Variants in TSBP1 observed in about 807,000 individuals in gnomAD.
TSBP1 encodes testis expressed basic protein 1.
TSBP1 carries 56 observed loss-of-function variants against 68.8 expected under a neutral mutation model. The ratio of observed to expected loss-of-function variants is 0.81; its 90% CI spans 0.66 to 1.02. The LOEUF (loss-of-function observed/expected upper bound fraction) is 1.02. TSBP1 is among the 50% of genes least tolerant of loss of function. The pLI, the probability that TSBP1 is intolerant of heterozygous loss-of-function variation, is 0.00. For missense variants in TSBP1, 502 were observed against 641.2 expected (o/e 0.78, Z 2.34); for synonymous variants, 171 against 208.7 (o/e 0.82, Z 1.56).
At position 32,371,823 on chromosome 6, in the gene TSBP1, C is replaced by G. The variant is rs780980044; in HGVS notation, c.-117G>C. 126 of 1,173,452 alleles carry G rather than the reference C, an allele frequency of 1.1e-4. 1 individual carries two copies. Among genetic ancestry groups the G allele is most frequent in the Admixed American group, 3.2e-4 (19 of 58,758 alleles). 72.7% of individuals were successfully genotyped at this position (1,173,452 alleles called of 1,614,324 possible). A position where few individuals can be genotyped will look rare whatever the true frequency, so the allele number is the denominator to read the frequency against. On this transcript the variant is annotated 5_prime_UTR_variant, in exon 1 of 23. Coordinates refer to ENST00000612031, the Ensembl canonical transcript of TSBP1. ...TTCTGAGCAATATGAACTTGGGTGT[C>G]AGGGAGGCCCTTGTAGGCAGAGATG...
chr6:32,343,190 C>T lies in TSBP1; in HGVS notation c.350-3552G>A, dbSNP rs9268260. The T allele has an allele frequency of 0.36, 435,644 of 1,207,564 alleles. 82,753 individuals are homozygous for T. Among genetic ancestry groups the T allele is most frequent in the Middle Eastern group, 0.56 (2,724 of 4,886 alleles). 74.8% of individuals were successfully genotyped at this position (1,207,564 alleles called of 1,614,324 possible). On this transcript the variant is annotated intron_variant, in intron 9 of 22. Coordinates refer to ENST00000612031, the Ensembl canonical transcript of TSBP1. This position sits in a 1 kb window ranked among gnomAD's most constrained non-coding sequence, Gnocchi z 4.3. ...AGACAGGGAGAAGTCCTCTGCCTAG[C>T]ATAGGAGCCCAACAACACCAGAGTT...
At chr6:32,348,873 T>C (rs1771366760) in intron 9 of TSBP1, among the ~76,000 whole-genome samples, 1 of 152,174 alleles carries the variant, frequency 6.6e-6, no homozygotes, top group Non-Finnish European at 1.5e-5. Flanking sequence ...TCCCTCCTAT[T>C]CCTAAGTTAA....
At chr6:32,355,016 T>C in intron 8 of TSBP1, 108 bp downstream of exon 8, 1 of 851,280 alleles carries the variant, frequency 1.2e-6, no homozygotes, top group Non-Finnish European at 1.8e-6. Context: ...GTGTTAATTA[T>C]TTTTATACTT....
rs149013447 is a variant in TSBP1 at position 32,361,015 on chromosome 6, G to A, written c.217+5152C>T. Among the ~76,000 whole-genome samples the A allele has an allele frequency of 0.042, 6,340 of 151,946 alleles. 226 individuals carry two copies. The highest frequency in any genetic ancestry group is 0.11 in the South Asian group (534 of 4,810). ...ATTTACATTAGGTATTTCTCCTAAT[G>A]CTATCCCTCCCTGCTTCCCCCACCC... On this transcript the variant is annotated intron_variant, in intron 6 of 22. Coordinates refer to ENST00000612031, the Ensembl canonical transcript of TSBP1. This position sits in a 1 kb window ranked among gnomAD's most constrained non-coding sequence, Gnocchi z 4.3.
In TSBP1 at chr6:32,325,747, T is replaced by C. The variant is rs1583050088; in HGVS notation, c.515-2133A>G. On this transcript the variant is annotated intron_variant, in intron 16 of 22. Coordinates refer to ENST00000612031, the Ensembl canonical transcript of TSBP1. The surrounding 1 kb of genome is among the most constrained non-coding windows in gnomAD (Gnocchi z 4.4). ...GTGTGAATGGCCACAACTGTGAAGT[T>C]AGGAAAGTCTGTCAAAGCAAGAGAT... 3 of 1,109,296 alleles carry C rather than the reference T, an allele frequency of 2.7e-6. No homozygotes were observed. The Admixed American group carries it at 5.1e-5, about 19-fold the overall frequency. The allele number at this position is 1,109,296 out of a possible 1,614,324, so 68.7% of individuals were successfully genotyped here. A position where few individuals can be genotyped will look rare whatever the true frequency, so the allele number is the denominator to read the frequency against.
At chr6:32,303,139 G>A (rs969976439) in intron 19 of TSBP1, among the ~76,000 whole-genome samples, 3 of 151,258 alleles carry the variant, frequency 2.0e-5, no homozygotes, top group African/African-American at 7.4e-5. Flanking sequence ...CCTACCCTAG[G>A]GTGGTTTACT....
intron 20 of TSBP1, among the ~76,000 whole-genome samples, chr6:32,301,701 C>T (rs1257965498): frequency 8.6e-5 from 9 of 104,474 alleles, no homozygotes; most frequent in South Asian, 4.9e-4. Context: ...GTGAGTGAAA[C>T]GCTGTTTTAA....
At chr6:32,310,893 C>T (rs9268200) in intron 19 of TSBP1, among the ~76,000 whole-genome samples, 32,417 of 151,516 alleles carry the variant, frequency 0.21, 3,632 homozygotes, top group East Asian at 0.22. Context: ...GCTGCCTTAC[C>T]GTTTAAAATT....
At chr6:32,327,573 G>A (rs508805) in intron 16 of TSBP1, among the ~76,000 whole-genome samples, 50,764 of 151,786 alleles carry the variant, frequency 0.33, 9,580 homozygotes, top group Middle Eastern at 0.52. Flanking sequence ...TTCATTTAGG[G>A]ACAGTAGATG....
chr6:32,366,216 T>C (rs748615544), intron 5 of TSBP1, 29 bp from the exon 6 acceptor site: 3 of 1,593,562 alleles, frequency 1.9e-6, no homozygotes, highest in Non-Finnish European at 2.6e-6. Flanking sequence ...ATTATAAGAT[T>C]CTTAATTTCT....
intron 6 of TSBP1, among the ~76,000 whole-genome samples, chr6:32,359,294 C>T (rs1772722570): frequency 6.6e-6 from 1 of 152,136 alleles, no homozygotes; most frequent in Non-Finnish European, 1.5e-5. Context: ...TCTCCACATC[C>T]TCTCTAGCAC....
At chr6:32,297,466 C>T (rs1049661145) in intron 22 of TSBP1, among the ~76,000 whole-genome samples, 5 of 152,036 alleles carry the variant, frequency 3.3e-5, no homozygotes, top group African/African-American at 1.2e-4. Context: ...CTAAATGATA[C>T]TTAACATAGA....
chr6:32,302,611 G>A lies in TSBP1; in HGVS notation c.599C>T (p.Thr200Ile). The A allele has an allele frequency of 1.3e-6, 2 of 1,547,406 alleles. No individual in the cohort carries two copies. The highest frequency in any genetic ancestry group is 1.7e-6 in the Non-Finnish European group (2 of 1,148,048). ...ATAAAAATATATTAGGAACTTACTAGTGTGAACTTGAGGTATTCCTGAAAA... is the reference window on the plus strand; with the variant it reads ...ATAAAAATATATTAGGAACTTACTAATGTGAACTTGAGGTATTCCTGAAAA... Residue 200 changes from threonine (T) to isoleucine (I), a missense_variant and splice_region_variant, in exon 20 of 23, where the codon ACT (threonine) becomes ATT (isoleucine). Transcript: ENST00000612031. The surrounding 1 kb of genome is among the most constrained non-coding windows in gnomAD (Gnocchi z 5.1).
At chr6:32,294,700 A>C (rs2127555571) in intron 22 of TSBP1, among the ~76,000 whole-genome samples, 1 of 152,072 alleles carries the variant, frequency 6.6e-6, no homozygotes, top group Admixed American at 6.6e-5. Flanking sequence ...GAGTAGTCAG[A>C]CTCCAGTGTT....
intron 16 of TSBP1, chr6:32,324,551 A>G (rs1245563282): frequency 1.4e-6 from 2 of 1,441,188 alleles, no homozygotes. Context: ...AGAGGCCAAG[A>G]TATATCTCAA....
intron 22 of TSBP1, among the ~76,000 whole-genome samples, chr6:32,295,513 A>G (rs2127556649): frequency 6.6e-6 from 1 of 152,292 alleles, no homozygotes; most frequent in African/African-American, 2.4e-5. Context: ...GACAAATGTT[A>G]AAGTAACATA....
At position 32,331,103 on chromosome 6, in the gene TSBP1, A is replaced by G. The variant is rs866918729; in HGVS notation, c.494-494T>C. The stretch of plus-strand genomic sequence containing the variant: ...ACTCTAGCCTCTCCATAAGAACCAG[A>G]TCTTCTTTTAGGAGATTATTAACCC... On this transcript the variant is annotated intron_variant, in intron 15 of 22. Coordinates refer to ENST00000612031, the Ensembl canonical transcript of TSBP1. Among the ~76,000 whole-genome samples, 46 of 152,316 alleles carry G rather than the reference A, an allele frequency of 3.0e-4. 1 individual carries two copies. Among genetic ancestry groups the G allele is most frequent in the African/African-American group, 1.1e-3 (45 of 41,564 alleles).
intron 19 of TSBP1, among the ~76,000 whole-genome samples, chr6:32,312,672 A>C (rs886841409): frequency 6.6e-6 from 1 of 152,212 alleles, no homozygotes; most frequent in Non-Finnish European, 1.5e-5. Flanking sequence ...CTAAATCAAT[A>C]AATAGTTTCA....
Position 32,370,129 on chromosome 6 carries a change from C to T in TSBP1, c.14-146G>A, listed in dbSNP as rs868109281. The T allele has an allele frequency of 1.0e-4, 64 of 639,176 alleles. 1 individual carries two copies. In the African/African-American group the frequency reaches 1.0e-3, roughly 10 times the overall value. The allele number at this position is 639,176 out of a possible 1,614,324, so 39.6% of individuals were successfully genotyped here. ...TCAACTCCTTTATTCTTTTATTTGC[C>T]GCATATTACTGTCCTCACATTCCCG... On this transcript the variant is annotated intron_variant, in intron 1 of 22. Transcript: ENST00000612031.
Sources: gnomAD v4.1 joint callset for allele counts (sites outside exome capture counted in the v4.1 genomes callset) on GRCh38, gnomAD v4.1.1 for gene constraint, Gnocchi (gnomAD v3.1) non-coding constraint, MANE v1.5 for transcripts, NCBI Gene and HGNC (gene_info 2026-07-23, HGNC 2026-07-21) for gene names.